Variants in AP3S2 observed in about 807,000 individuals in gnomAD.
The protein encoded by AP3S2 is adaptor related protein complex 3 subunit sigma 2.
Under a neutral mutation model 23.4 loss-of-function variants are expected in AP3S2, and 22 were observed. The ratio of observed to expected loss-of-function variants is 0.94; its 90% CI spans 0.67 to 1.34. The LOEUF is 1.34. AP3S2 is among the 40% of genes most tolerant of loss of function. The pLI is 0.00. For synonymous variants in AP3S2, 86 were observed against 87.1 expected (o/e 0.99, Z 0.07); for missense variants, 241 against 236.9 (o/e 1.02, Z -0.11).
At chr15:89,838,914 A>G (rs1023954781) in intron 4 of AP3S2, among the ~76,000 whole-genome samples, 1 of 152,128 alleles carries the variant, frequency 6.6e-6, no homozygotes, top group East Asian at 1.9e-4. Context: ...TTTATGCAGG[A>G]GAGAGGCTAA....
At chr15:89,876,268 A>C (rs1028390007) in intron 3 of AP3S2, among the ~76,000 whole-genome samples, 1 of 152,008 alleles carries the variant, frequency 6.6e-6, no homozygotes, top group Non-Finnish European at 1.5e-5. Flanking sequence ...AAAATGCAAA[A>C]ATTAGCCAGG....
At chr15:89,885,539 A>G (rs544412998) in intron 3 of AP3S2, among the ~76,000 whole-genome samples, 1 of 152,350 alleles carries the variant, frequency 6.6e-6, no homozygotes, top group Non-Finnish European at 1.5e-5. Flanking sequence ...TTTCAAATAT[A>G]TTGGTAGTAT....
At chr15:89,862,361 G>A (rs576270161) in intron 4 of AP3S2, among the ~76,000 whole-genome samples, 47 of 152,248 alleles carry the variant, frequency 3.1e-4, no homozygotes, top group Non-Finnish European at 5.4e-4. Flanking sequence ...TATGTTAATT[G>A]TGTTGTGCAT....
At chr15:89,847,521 T>TG (rs1895526887) in intron 4 of AP3S2, among the ~76,000 whole-genome samples, 1 of 151,120 alleles carries the variant, frequency 6.6e-6, no homozygotes, top group African/African-American at 2.4e-5. Context: ...CTACTAGGGG[T>TG]GGGGACAAGT....
At chr15:89,859,839 C>T (rs1330978479) in intron 4 of AP3S2, among the ~76,000 whole-genome samples, 1 of 150,210 alleles carries the variant, frequency 6.7e-6, no homozygotes, top group Non-Finnish European at 1.5e-5. Context: ...TCTCGGCTCA[C>T]TGCAAGCTCC....
chr15:89,839,604 G>T (rs939669956), intron 4 of AP3S2, among the ~76,000 whole-genome samples: 1 of 152,120 alleles, frequency 6.6e-6, no homozygotes, highest in East Asian at 1.9e-4. Flanking sequence ...CAGTATGGTG[G>T]TTCCTCAAAA....
chr15:89,870,862 C>T (rs1896302479), intron 4 of AP3S2, among the ~76,000 whole-genome samples: 1 of 152,202 alleles, frequency 6.6e-6, no homozygotes, highest in Non-Finnish European at 1.5e-5. Context: ...ATTCCTATTC[C>T]CTTGCTGGCT....
At chr15:89,858,347 A>G (rs1385431409) in intron 4 of AP3S2, among the ~76,000 whole-genome samples, 1 of 152,030 alleles carries the variant, frequency 6.6e-6, no homozygotes, top group Admixed American at 6.6e-5. Flanking sequence ...AGGCTGATGC[A>G]GGAGAATTGC....
intron 1 of AP3S2, among the ~76,000 whole-genome samples, chr15:89,890,700 T>C (rs1200116408): frequency 4.6e-5 from 7 of 152,200 alleles, no homozygotes; most frequent in Non-Finnish European, 1.0e-4. Flanking sequence ...AACCTTCAAA[T>C]TGGACTTGCC....
chr15:89,838,080 T>A (rs992113183), intron 4 of AP3S2: 2 of 226,296 alleles, frequency 8.8e-6, no homozygotes, highest in Non-Finnish European at 1.8e-5. Flanking sequence ...CTGGATGAGA[T>A]AAATGTGTGT....
chr15:89,844,223 CTTTCTTTCTTTCTTTCTT>C (rs1895413258), intron 4 of AP3S2, among the ~76,000 whole-genome samples: 1 of 38,146 alleles, frequency 2.6e-5, no homozygotes, highest in Non-Finnish European at 5.4e-5. Context: ...TTCTTTCTTT[CTTTCTTTCTTTCTTTCTT>C]TCTTTCTTTC....
At chr15:89,891,480 G>A (rs1401825510) in intron 1 of AP3S2, among the ~76,000 whole-genome samples, 2 of 152,042 alleles carry the variant, frequency 1.3e-5, no homozygotes, top group African/African-American at 2.4e-5. Flanking sequence ...CCAACACAGC[G>A]AAACCCCATC....
chr15:89,844,277 CTCTCTCTTTCTT>C (rs1895428103), intron 4 of AP3S2, among the ~76,000 whole-genome samples: 7 of 121,126 alleles, frequency 5.8e-5, no homozygotes, highest in South Asian at 4.7e-4. Flanking sequence ...CTTTCTCTCT[CTCTCTCTTTCTT>C]TCTTTACTTT....
chr15:89,856,436 C>T (rs1895838889), intron 4 of AP3S2, among the ~76,000 whole-genome samples: 1 of 152,086 alleles, frequency 6.6e-6, no homozygotes, highest in African/African-American at 2.4e-5. Context: ...CGTGGTGGCT[C>T]ACGCCTGTAA....
At chr15:89,839,215 C>T (rs1475593485) in intron 4 of AP3S2, among the ~76,000 whole-genome samples, 2 of 152,214 alleles carry the variant, frequency 1.3e-5, no homozygotes, top group Non-Finnish European at 1.5e-5. Context: ...GATGTGTCTG[C>T]ATATCTGGGC....
At chr15:89,867,094 T>C (rs1415994283) in intron 4 of AP3S2, among the ~76,000 whole-genome samples, 2 of 141,124 alleles carry the variant, frequency 1.4e-5, no homozygotes, top group East Asian at 4.8e-4. Context: ...ACTGTACTAC[T>C]GCCATCTCGG....
chr15:89,869,186 A>C (rs1336049086), intron 4 of AP3S2, among the ~76,000 whole-genome samples: 1 of 151,208 alleles, frequency 6.6e-6, no homozygotes, highest in East Asian at 1.9e-4. Context: ...CTGTGTAGAA[A>C]GAAGTAGACA....
At chr15:89,858,923 C>A (rs1286769719) in intron 4 of AP3S2, among the ~76,000 whole-genome samples, 1 of 152,152 alleles carries the variant, frequency 6.6e-6, no homozygotes, top group African/African-American at 2.4e-5. Flanking sequence ...AGATTGTGCA[C>A]TGAGGCAATC....
At chr15:89,865,842 A>G (rs1286514563) in intron 4 of AP3S2, 2 of 152,252 alleles carry the variant, frequency 1.3e-5, no homozygotes, top group African/African-American at 2.4e-5. Context: ...AATTCATATA[A>G]TGAAATCCTA....
Sources: allele counts gnomAD v4.1 joint callset (sites outside exome capture counted in the v4.1 genomes callset), GRCh38; gene constraint gnomAD v4.1.1; transcripts MANE v1.5; gene names NCBI Gene and HGNC (gene_info 2026-07-23, HGNC 2026-07-21).